The following DGKZ variants were observed in gnomAD, a reference collection of about 807,000 sequenced individuals.
The protein encoded by DGKZ is diacylglycerol kinase zeta, also known as DAG kinase zeta.
In DGKZ, 45 loss-of-function variants were observed where a neutral mutation model predicts 142.5. The ratio of observed to expected loss-of-function variants is 0.32; its 90% CI spans 0.25 to 0.40. DGKZ has a LOEUF of 0.40. Ranked by LOEUF, DGKZ falls within the 10% of genes least tolerant of loss-of-function variation. DGKZ has a pLI of 1.00. For synonymous variants in DGKZ, 442 were observed against 527.0 expected, an observed-to-expected ratio of 0.84 and a Z score of 2.21; for missense variants, 755 against 1,306.5, an observed-to-expected ratio of 0.58 and a Z score of 6.51.
intron 19 of DGKZ, 53 bp from the exon 20 acceptor site, chr11:46,375,379 C>G (rs1400414043): frequency 1.4e-5 from 21 of 1,496,890 alleles, no homozygotes; most frequent in Non-Finnish European, 1.8e-5. Flanking sequence ...GAGTCTGGGA[C>G]CCCCCTGCCC....
At chr11:46,363,797 T>G (rs1942954239) in intron 1 of DGKZ, among the ~76,000 whole-genome samples, 1 of 152,210 alleles carries the variant, frequency 6.6e-6, no homozygotes, top group South Asian at 2.1e-4. Context: ...GCTGACACCC[T>G]GGGGAGGGCT....
At chr11:46,342,824 G>A (rs2136383359), upstream of DGKZ, among the ~76,000 whole-genome samples, 1 of 152,290 alleles carries the variant, frequency 6.6e-6, no homozygotes, top group Non-Finnish European at 1.5e-5. Context: ...TTCCCCATCT[G>A]TAAAAGGAGG....
rs766215996 is a variant in DGKZ, at chr11:46,379,576, G to C, written c.2688+8G>C. On this transcript the variant is annotated splice_region_variant and intron_variant, in intron 30 of 30. Transcript: ENST00000527911. ...ATGAAGACAGACCAGCAGGTGAGCA[G>C]ACGGCAGGCAGGGAGCCCACGAGGG... 1 of 1,602,518 alleles carries C rather than the reference G, an allele frequency of 6.2e-7. No individual in the cohort carries two copies. Among genetic ancestry groups the C allele is most frequent in the Non-Finnish European group, 8.5e-7 (1 of 1,175,160 alleles).
chr11:46,361,704 C>G (rs1355940747), intron 1 of DGKZ: 24 of 985,050 alleles, frequency 2.4e-5, no homozygotes, highest in Non-Finnish European at 2.9e-5. Context: ...CCTTCCAGAT[C>G]AGGTCAAAAG....
At chr11:46,363,061 G>A (rs1487868099) in intron 1 of DGKZ, among the ~76,000 whole-genome samples, 1 of 152,192 alleles carries the variant, frequency 6.6e-6, no homozygotes, top group African/African-American at 2.4e-5. Flanking sequence ...AGCCCTCAGG[G>A]TGACCTTTAC....
chr11:46,366,135 C>T (rs1022296556), intron 1 of DGKZ: 2 of 1,400,224 alleles, frequency 1.4e-6, no homozygotes, highest in South Asian at 1.6e-5. Flanking sequence ...TGAATGGGCT[C>T]CTGGTTGCTT....
intron 1 of DGKZ, among the ~76,000 whole-genome samples, chr11:46,336,885 G>T (rs1940041899): frequency 1.3e-5 from 2 of 152,132 alleles, no homozygotes. Flanking sequence ...GCTGGGCGTG[G>T]TTGCATGCGT....
chr11:46,378,187 C>G lies in DGKZ; in HGVS notation c.2343-11C>G. Reference sequence around the variant, plus strand: ...CCGTAGCCGGTCACAGCACATCATGCTCTGTTGCAGGTCACTGCAAGGGGA... The same window carrying G: ...CCGTAGCCGGTCACAGCACATCATGGTCTGTTGCAGGTCACTGCAAGGGGA... On this transcript the variant is annotated splice_polypyrimidine_tract_variant and intron_variant, in intron 25 of 30. Coordinates refer to ENST00000527911, the Ensembl canonical transcript of DGKZ. The G allele has an allele frequency of 6.2e-7, 1 of 1,608,948 alleles. No individual in the cohort carries two copies. Among genetic ancestry groups the G allele is most frequent in the Non-Finnish European group, 8.5e-7 (1 of 1,178,372 alleles).
intron 14 of DGKZ, among the ~76,000 whole-genome samples, chr11:46,373,347 C>T (rs1278021321): frequency 4.4e-5 from 6 of 137,024 alleles, no homozygotes; most frequent in South Asian, 4.5e-4. Flanking sequence ...AGTGCAGTGG[C>T]GCAATCCCAG....
chr11:46,356,254 C>T (rs529316634), intron 1 of DGKZ, among the ~76,000 whole-genome samples: 1 of 152,274 alleles, frequency 6.6e-6, no homozygotes, highest in Admixed American at 6.5e-5. Flanking sequence ...TCAGTGTTGC[C>T]TCTGAGACAC....
upstream of DGKZ, chr11:46,347,259 C>A: frequency 1.0e-6 from 1 of 963,728 alleles, no homozygotes; most frequent in Non-Finnish European, 1.2e-6. This position sits in a 1 kb window ranked among gnomAD's most constrained non-coding sequence, Gnocchi z 6.4. Context: ...TCCAGGCGGG[C>A]CGGGCCGGGC....
At chr11:46,368,123 C>T (rs754866798) in intron 4 of DGKZ, 44 bp downstream of exon 4, 3 of 1,600,782 alleles carry the variant, frequency 1.9e-6, no homozygotes, top group East Asian at 2.2e-5. Context: ...CCTTTGGGTG[C>T]TGAGGCCCTT....
At chr11:46,340,620 C>T (rs901771908) in intron 1 of DGKZ, among the ~76,000 whole-genome samples, 1 of 152,218 alleles carries the variant, frequency 6.6e-6, no homozygotes, top group Non-Finnish European at 1.5e-5. Flanking sequence ...TCCTCCTGCT[C>T]ATGACTTTCG....
Position 46,333,468 on chromosome 11 carries a change from C to T in DGKZ, c.193C>T (p.Arg65Ter), listed in dbSNP as rs1939866506. The T allele has an allele frequency of 1.9e-6, 3 of 1,539,462 alleles. No homozygotes were observed. Among genetic ancestry groups the T allele is most frequent in the Non-Finnish European group, 8.7e-7 (1 of 1,143,300 alleles). Residue 65 changes from arginine (R) to a stop codon, truncating the protein, a stop_gained, in exon 1 of 31, where the codon CGA becomes TGA. Coordinates refer to the DGKZ transcript ENST00000343674. LOFTEE classifies it high-confidence loss of function. ...GGAGCGTTTCCGCCAGCTGCACCTA[C>T]GAAAGCAGGTGTCTTACAGGTAAGG...
rs1043901155 is a variant in DGKZ, at chr11:46,333,489, T to A, written c.212+2T>A. 2 of 1,542,530 alleles carry A rather than the reference T, an allele frequency of 1.3e-6. No individual in the cohort carries two copies. The highest frequency in any genetic ancestry group is 1.7e-6 in the Non-Finnish European group (2 of 1,144,880). ...CCTACGAAAGCAGGTGTCTTACAGG[T>A]AAGGAGGACGTGGGCAGAGGGGAGC... On this transcript the variant is annotated splice_donor_variant, in intron 1 of 30. Transcript: ENST00000343674. LOFTEE classifies it high-confidence loss of function.
chr11:46,368,061 C>T, exon 4 of DGKZ: 1 of 1,614,106 alleles, frequency 6.2e-7, no homozygotes, highest in Non-Finnish European at 8.5e-7. Flanking sequence ...ACACGCCCTG[C>T]ATCGAGCAGC....
intron 1 of DGKZ, chr11:46,366,710 CTGT>C: frequency 6.4e-7 from 1 of 1,559,652 alleles, no homozygotes; most frequent in Non-Finnish European, 8.7e-7. Flanking sequence ...CGCCCAGCCG[CTGT>C]TGCCCCTACC....
intron 1 of DGKZ, among the ~76,000 whole-genome samples, chr11:46,356,959 GGCTGGGAGGCCTGTT>G (rs1942093726): frequency 1.3e-5 from 2 of 152,130 alleles, no homozygotes; most frequent in Non-Finnish European, 2.9e-5. Flanking sequence ...GCAGAGAGGA[GGCTGGGAGGCCTGTT>G]GCCTGCCAGC....
At chr11:46,374,443 T>G (rs1944313908) in exon 16 of DGKZ, 1 of 1,614,046 alleles carries the variant, frequency 6.2e-7, no homozygotes, top group Non-Finnish European at 8.5e-7. Flanking sequence ...GAATAAGATG[T>G]TCTACGCCGG....
Sources: allele counts gnomAD v4.1 joint callset (sites outside exome capture counted in the v4.1 genomes callset), GRCh38; gene constraint gnomAD v4.1.1; non-coding constraint Gnocchi (gnomAD v3.1); transcripts MANE v1.5; gene names NCBI Gene and HGNC (gene_info 2026-07-23, HGNC 2026-07-21).